The following TM2D3 variants were observed in gnomAD, a reference collection of about 807,000 sequenced individuals.
The protein encoded by TM2D3 is TM2 domain containing 3, also known as TM2 domain-containing protein 3.
In TM2D3, 33 loss-of-function variants were observed where a neutral mutation model predicts 27.3. That is an observed-to-expected ratio of 1.21 (90% CI 0.92 to 1.61). The LOEUF (loss-of-function observed/expected upper bound fraction) is 1.61. TM2D3 is among the 40% of genes most tolerant of loss of function. The probability of loss-of-function intolerance (pLI) is 0.00; values close to 1 mark genes in which losing one functional copy is unlikely to be tolerated. For synonymous variants in TM2D3, 138 were observed against 122.2 expected, an observed-to-expected ratio of 1.13 and a Z score of -0.85; for missense variants, 364 against 320.8, an observed-to-expected ratio of 1.13 and a Z score of -1.03.
chr15:101,633,657 C>T, exon 5 of TM2D3: 5 of 1,530,696 alleles, frequency 3.3e-6, no homozygotes, highest in Non-Finnish European at 4.4e-6. Flanking sequence ...CCTCAAAAAT[C>T]CACCTTTTTC....
intron 2 of TM2D3, 170 bp downstream of exon 2, chr15:101,651,526 C>T: frequency 1.6e-6 from 1 of 616,570 alleles, no homozygotes; most frequent in South Asian, 2.2e-5. Context: ...AATACGAAGA[C>T]TATCTACTGA....
chr15:101,633,604 A>T, exon 5 of TM2D3: 1 of 1,292,700 alleles, frequency 7.7e-7, no homozygotes, highest in Admixed American at 2.1e-5. Context: ...ATCTGCAACA[A>T]CACAGTGTAA....
chr15:101,634,676 T>C (rs979656832), intron 4 of TM2D3: 1 of 152,228 alleles, frequency 6.6e-6, no homozygotes, highest in African/African-American at 2.4e-5. Flanking sequence ...TTCAGCATGA[T>C]AGACCGTATG....
At chr15:101,647,608 T>TAA (rs1896848729) in intron 3 of TM2D3, among the ~76,000 whole-genome samples, 1 of 152,262 alleles carries the variant, frequency 6.6e-6, no homozygotes, top group Non-Finnish European at 1.5e-5. Flanking sequence ...CATTATTTTG[T>TAA]ATTCTGCTTA....
exon 5 of TM2D3, chr15:101,633,587 G>A: frequency 9.0e-7 from 1 of 1,106,670 alleles, no homozygotes; most frequent in East Asian, 2.6e-5. Context: ...TGTGGTTAGG[G>A]ACGCTCATCT....
intron 2 of TM2D3, chr15:101,650,396 G>C (rs1004093346): frequency 1.0e-5 from 4 of 391,858 alleles, no homozygotes; most frequent in Non-Finnish European, 1.4e-5. Context: ...TGCCTCCCAC[G>C]TGGCCGTGAA....
At chr15:101,639,108 A>G (rs1157199373), downstream of TM2D3, among the ~76,000 whole-genome samples, 1 of 152,250 alleles carries the variant, frequency 6.6e-6, no homozygotes, top group African/African-American at 2.4e-5. Flanking sequence ...AATACATTTA[A>G]AAGAATTTAA....
downstream of TM2D3, chr15:101,637,006 CAT>C (rs1896565916): frequency 3.1e-6 from 1 of 319,262 alleles, no homozygotes. Flanking sequence ...GTCCTAAGAA[CAT>C]GTGCCCGGTG....
At chr15:101,639,055 G>C (rs1896610946), downstream of TM2D3, among the ~76,000 whole-genome samples, 1 of 152,164 alleles carries the variant, frequency 6.6e-6, no homozygotes, top group Non-Finnish European at 1.5e-5. Context: ...CTCCATCAAA[G>C]CGTATTTTGC....
chr15:101,633,609 G>T, exon 5 of TM2D3: 1 of 1,326,344 alleles, frequency 7.5e-7, no homozygotes, highest in Non-Finnish European at 1.0e-6. Context: ...CAACAACACA[G>T]TGTAATTCAG....
downstream of TM2D3, among the ~76,000 whole-genome samples, chr15:101,641,627 ATC>A (rs962087139): frequency 1.3e-5 from 2 of 152,238 alleles, no homozygotes; most frequent in African/African-American, 4.8e-5. Context: ...TTGAGTAAAA[ATC>A]TTTTTGAATA....
At chr15:101,638,886 T>C (rs1896607250), downstream of TM2D3, among the ~76,000 whole-genome samples, 1 of 152,172 alleles carries the variant, frequency 6.6e-6, no homozygotes, top group Non-Finnish European at 1.5e-5. Context: ...GCAATACTTT[T>C]AGGTGTTTAG....
At chr15:101,633,412 C>T (rs1023771450) in exon 5 of TM2D3, 5 of 368,900 alleles carry the variant, frequency 1.4e-5, no homozygotes, top group African/African-American at 2.1e-5. Context: ...GTGTTCCTTT[C>T]TGGATCTTGG....
At chr15:101,651,900 C>T in intron 1 of TM2D3, 127 bp from the exon 2 acceptor site, 1 of 953,794 alleles carries the variant, frequency 1.0e-6, no homozygotes, top group Non-Finnish European at 1.7e-6. Flanking sequence ...CACGGCTGGT[C>T]AGCCAGAAAA....
At chr15:101,649,001 T>A (rs1896896265) in intron 3 of TM2D3, among the ~76,000 whole-genome samples, 2 of 152,210 alleles carry the variant, frequency 1.3e-5, no homozygotes, top group South Asian at 4.1e-4. Flanking sequence ...GATATGAGCA[T>A]CTGACCCTTA....
Position 101,642,170 on chromosome 15 carries a change from T to C in TM2D3, c.*309A>G, listed in dbSNP as rs1896684627. 9.7e-7 allele frequency: 1 copy of C among 1,031,186 alleles called. No homozygotes were observed. The highest frequency in any genetic ancestry group is 4.4e-5 in the South Asian group (1 of 22,672). 63.9% of individuals were successfully genotyped at this position (1,031,186 alleles called of 1,614,324 possible). On this transcript the variant is annotated 3_prime_UTR_variant, in exon 6 of 6. Transcript: ENST00000333202. Reference sequence around the variant, plus strand: ...ACATTTGGGCTGGAGATACAAGTGATGTAGTTTGACTTGGGCAATACAAAA... The same window carrying C: ...ACATTTGGGCTGGAGATACAAGTGACGTAGTTTGACTTGGGCAATACAAAA...
At chr15:101,649,385 T>C (rs1160957695) in intron 3 of TM2D3, among the ~76,000 whole-genome samples, 1 of 152,186 alleles carries the variant, frequency 6.6e-6, no homozygotes, top group Admixed American at 6.5e-5. Context: ...TTCTAAACTT[T>C]ATTTCATACT....
chr15:101,638,353 G>C (rs997673911), downstream of TM2D3, among the ~76,000 whole-genome samples: 6 of 151,704 alleles, frequency 4.0e-5, no homozygotes, highest in Non-Finnish European at 8.8e-5. Flanking sequence ...GGAGTGCAAT[G>C]GTATGATCTC....
At chr15:101,645,546 G>C (rs1364966899) in intron 4 of TM2D3, 1 of 173,966 alleles carries the variant, frequency 5.7e-6, no homozygotes, top group East Asian at 1.8e-4. Flanking sequence ...GATCAACAGG[G>C]AAGAGTTGAG....
Sources: gnomAD v4.1 joint callset for allele counts (sites outside exome capture counted in the v4.1 genomes callset) on GRCh38, gnomAD v4.1.1 for gene constraint, MANE v1.5 for transcripts, NCBI Gene and HGNC (gene_info 2026-07-23, HGNC 2026-07-21) for gene names.